The following ESRRG variants were observed in gnomAD, a reference collection of about 807,000 sequenced individuals.
ESRRG encodes estrogen related receptor gamma, also known as estrogen-related receptor gamma.
ESRRG carries 13 observed loss-of-function variants against 44.0 expected under a neutral mutation model. The observed-to-expected ratio is 0.30, with a 90% CI of 0.19 to 0.47. The LOEUF (loss-of-function observed/expected upper bound fraction) is 0.47, where lower values mean the gene tolerates loss of function less well. ESRRG is among the 20% of genes least tolerant of loss of function. The pLI is 1.00. For synonymous variants in ESRRG, 215 were observed against 214.6 expected, an observed-to-expected ratio of 1.00 and a Z score of -0.02; for missense variants, 395 against 580.6, an observed-to-expected ratio of 0.68 and a Z score of 3.29.
chr1:216,673,978 C>T (rs1473407465), intron 2 of ESRRG, among the ~76,000 whole-genome samples: 2 of 152,216 alleles, frequency 1.3e-5, no homozygotes, highest in Non-Finnish European at 2.9e-5. Context: ...GGTTTTCACA[C>T]TGAGAACCTC....
At chr1:216,914,200 G>T (rs911218415) in intron 2 of ESRRG, among the ~76,000 whole-genome samples, 3 of 151,950 alleles carry the variant, frequency 2.0e-5, no homozygotes, top group Admixed American at 1.3e-4. Context: ...GGCAGGAAAA[G>T]CTTGAGTTCT....
rs141034335 is a variant in ESRRG at position 216,775,218 on chromosome 1, G to T, written c.-13-97727C>A. On this transcript the variant is annotated intron_variant, in intron 2 of 7. Coordinates refer to the ESRRG transcript ENST00000359162. ...TGCCATTTGCCTTCTGTCACCTGTT[G>T]TTCATCTATTTATTGTATAACAAGA... Among the ~76,000 whole-genome samples the T allele has an allele frequency of 3.3e-5, 5 of 152,076 alleles. No individual in the cohort carries two copies. In the South Asian group the frequency reaches 1.0e-3, roughly 32 times the overall value.
At chr1:216,877,219 C>T (rs1331354582) in intron 2 of ESRRG, among the ~76,000 whole-genome samples, 1 of 152,080 alleles carries the variant, frequency 6.6e-6, no homozygotes, top group Middle Eastern at 3.2e-3. Context: ...TAGTAATCAT[C>T]TCTAACCCAC....
Position 216,795,659 on chromosome 1 carries a change from T to C in ESRRG, c.-13-118168A>G, listed in dbSNP as rs1413554000. Among the ~76,000 whole-genome samples the C allele has an allele frequency of 4.6e-5, 7 of 152,226 alleles. No homozygotes were observed. The East Asian group carries it at 1.4e-3, about 29-fold the overall frequency. On this transcript the variant is annotated intron_variant, in intron 2 of 7. Coordinates refer to the ESRRG transcript ENST00000359162. ...CCTGGCCTCTAAATTTTAATATATA[T>C]ATTTAAAACATGAATACAATTCTAG... is the stretch of plus-strand genomic sequence containing the variant.
chr1:217,051,342 T>G (rs1183924068), intron 1 of ESRRG, among the ~76,000 whole-genome samples: 1 of 151,928 alleles, frequency 6.6e-6, no homozygotes, highest in African/African-American at 2.4e-5. Context: ...TTCTAAAAGG[T>G]GAATCAGTTA....
intron 1 of ESRRG, among the ~76,000 whole-genome samples, chr1:217,025,777 AT>A (rs911893593): frequency 9.8e-5 from 15 of 152,302 alleles, no homozygotes; most frequent in African/African-American, 3.6e-4. Context: ...ACATTAATAA[AT>A]TGTTTTTAAG....
chr1:217,070,261 TA>T (rs550937808), intron 1 of ESRRG, among the ~76,000 whole-genome samples: 1,838 of 152,316 alleles, frequency 0.012, 18 homozygotes, highest in Non-Finnish European at 0.017. Flanking sequence ...TTAAGAGAAG[TA>T]AAAGCTATTT....
At chr1:216,777,816 TA>T (rs1222180696) in intron 2 of ESRRG, among the ~76,000 whole-genome samples, 1 of 152,098 alleles carries the variant, frequency 6.6e-6, no homozygotes, top group African/African-American at 2.4e-5. Flanking sequence ...AATGTTTTCT[TA>T]AAAAGCTGAT....
chr1:216,776,928 AC>A (rs1406248484), intron 2 of ESRRG, among the ~76,000 whole-genome samples: 2 of 152,244 alleles, frequency 1.3e-5, no homozygotes, highest in East Asian at 3.9e-4. Flanking sequence ...TAAGGAGAGG[AC>A]CCAAGAAGTT....
intron 1 of ESRRG, among the ~76,000 whole-genome samples, chr1:216,979,995 A>G (rs2073659584): frequency 6.6e-6 from 1 of 152,166 alleles, no homozygotes; most frequent in Admixed American, 6.5e-5. Flanking sequence ...AAAGCATCAC[A>G]CTGCTAAACC....
intron 2 of ESRRG, among the ~76,000 whole-genome samples, chr1:216,881,969 GT>G (rs34444855): frequency 6.5e-4 from 95 of 145,990 alleles, no homozygotes; most frequent in East Asian, 1.8e-3. Flanking sequence ...TATGCACTGG[GT>G]TTTTTTTTTT....
At chr1:216,809,781 T>C (rs955011717) in intron 2 of ESRRG, among the ~76,000 whole-genome samples, 2 of 152,112 alleles carry the variant, frequency 1.3e-5, no homozygotes, top group Non-Finnish European at 1.5e-5. Context: ...AGGAGGGCTC[T>C]CTGGAAGGAC....
intron 1 of ESRRG, among the ~76,000 whole-genome samples, chr1:216,982,022 T>C (rs1199703914): frequency 6.6e-6 from 1 of 152,228 alleles, no homozygotes; most frequent in Non-Finnish European, 1.5e-5. Flanking sequence ...GCTTCGTGCA[T>C]TTTCAGCTTG....
intron 2 of ESRRG, among the ~76,000 whole-genome samples, chr1:216,780,767 C>T (rs546308145): frequency 4.7e-4 from 72 of 152,076 alleles, no homozygotes; most frequent in African/African-American, 1.7e-3. Flanking sequence ...TGAGTTAGTG[C>T]CAAGGCAATG....
intron 2 of ESRRG, among the ~76,000 whole-genome samples, chr1:216,664,352 G>C (rs569137033): frequency 6.6e-6 from 1 of 151,802 alleles, no homozygotes; most frequent in East Asian, 1.9e-4. Flanking sequence ...ACTTCATTGG[G>C]ATGATTAAAG....
chr1:216,647,281 A>T (rs1026361846), intron 3 of ESRRG, among the ~76,000 whole-genome samples: 5 of 152,192 alleles, frequency 3.3e-5, no homozygotes, highest in African/African-American at 1.2e-4. Context: ...TGACAAAAAA[A>T]TAATGCTGGC....
At chr1:217,026,590 T>G (rs1001022713) in intron 1 of ESRRG, among the ~76,000 whole-genome samples, 1 of 152,168 alleles carries the variant, frequency 6.6e-6, no homozygotes, top group African/African-American at 2.4e-5. Flanking sequence ...CACATGTGGC[T>G]ATCCGCTTGT....
intron 3 of ESRRG, among the ~76,000 whole-genome samples, chr1:216,574,174 A>G (rs532591691): frequency 6.6e-6 from 1 of 152,256 alleles, no homozygotes; most frequent in Non-Finnish European, 1.5e-5. Context: ...GTAGACTGCC[A>G]TTATCTTTCT....
intron 3 of ESRRG, among the ~76,000 whole-genome samples, chr1:216,586,581 CTTTTT>C (rs752769234): frequency 8.1e-6 from 1 of 124,126 alleles, no homozygotes; most frequent in Admixed American, 8.4e-5. Context: ...AACTTTTGGG[CTTTTT>C]TTTTTTTTTT....
Sources: gnomAD v4.1 joint callset for allele counts (sites outside exome capture counted in the v4.1 genomes callset) on GRCh38, gnomAD v4.1.1 for gene constraint, MANE v1.5 for transcripts, NCBI Gene and HGNC (gene_info 2026-07-23, HGNC 2026-07-21) for gene names.